The following CAMK2D variants were observed in gnomAD, a reference collection of about 807,000 sequenced individuals.
The protein encoded by CAMK2D is calcium/calmodulin-dependent protein kinase type II subunit delta.
Under a neutral mutation model 84.0 loss-of-function variants are expected in CAMK2D, and 37 were observed. The ratio of observed to expected loss-of-function variants is 0.44; its 90% CI spans 0.34 to 0.58. CAMK2D has a LOEUF of 0.58. Among genes scored for constraint, CAMK2D ranks in the 20% least tolerant of loss-of-function variants. The probability of loss-of-function intolerance (pLI) is 0.02; values close to 1 mark genes in which losing one functional copy is unlikely to be tolerated. For missense variants in CAMK2D, 448 were observed against 652.5 expected (o/e 0.69, Z 3.41); for synonymous variants, 202 against 212.5 (o/e 0.95, Z 0.43).
chr4:113,663,502 T>C (rs1219137992), intron 2 of CAMK2D, among the ~76,000 whole-genome samples: 1 of 151,832 alleles, frequency 6.6e-6, no homozygotes, highest in Non-Finnish European at 1.5e-5. Flanking sequence ...GGCAGAAGAA[T>C]CACTTGAACC....
chr4:113,476,667 C>G (rs1276770603), intron 16 of CAMK2D, among the ~76,000 whole-genome samples: 9 of 152,120 alleles, frequency 5.9e-5, no homozygotes, highest in Non-Finnish European at 8.8e-5. Flanking sequence ...TAAGCAATAA[C>G]CAGCTATTGT....
At chr4:113,690,990 T>G (rs745529587) in intron 2 of CAMK2D, among the ~76,000 whole-genome samples, 1 of 152,170 alleles carries the variant, frequency 6.6e-6, no homozygotes, top group African/African-American at 2.4e-5. Flanking sequence ...TAAGATTAAT[T>G]TATTGCACTA....
chr4:113,495,833 T>A (rs776334684), intron 16 of CAMK2D, among the ~76,000 whole-genome samples: 1 of 152,030 alleles, frequency 6.6e-6, no homozygotes, highest in Non-Finnish European at 1.5e-5. Context: ...CAGCAAGAGA[T>A]CCAAGCTCGT....
intron 4 of CAMK2D, among the ~76,000 whole-genome samples, chr4:113,563,150 A>T (rs1170860953): frequency 6.6e-6 from 1 of 152,110 alleles, no homozygotes; most frequent in African/African-American, 2.4e-5. Flanking sequence ...GCTGCTCAGG[A>T]GGCTGAGGCA....
At chr4:113,749,836 T>C (rs1472033065) in intron 2 of CAMK2D, among the ~76,000 whole-genome samples, 5 of 152,374 alleles carry the variant, frequency 3.3e-5, no homozygotes, top group Non-Finnish European at 5.9e-5. Flanking sequence ...ACAAAACTTA[T>C]GAAATAATTT....
intron 4 of CAMK2D, among the ~76,000 whole-genome samples, chr4:113,558,297 G>C (rs970045631): frequency 6.6e-6 from 1 of 152,182 alleles, no homozygotes; most frequent in Admixed American, 6.5e-5. Flanking sequence ...TATATGTATA[G>C]TAACTGTTTT....
intron 3 of CAMK2D, among the ~76,000 whole-genome samples, chr4:113,632,706 A>G (rs1008748348): frequency 1.3e-5 from 2 of 152,190 alleles, no homozygotes; most frequent in Admixed American, 1.3e-4. Context: ...TCATACTATT[A>G]TACATAATGT....
At chr4:113,748,061 T>A (rs1562206321) in intron 2 of CAMK2D, among the ~76,000 whole-genome samples, 1 of 152,142 alleles carries the variant, frequency 6.6e-6, no homozygotes, top group Non-Finnish European at 1.5e-5. Flanking sequence ...CTGATTCTTT[T>A]GGAAATCCAG....
chr4:113,746,406 G>A (rs1195655426), intron 2 of CAMK2D, among the ~76,000 whole-genome samples: 4 of 132,870 alleles, frequency 3.0e-5, no homozygotes, highest in African/African-American at 1.6e-4. Context: ...AGCCACCCCT[G>A]TTCATGCCTC....
chr4:113,475,821 G>C (rs1214353614), intron 16 of CAMK2D, among the ~76,000 whole-genome samples: 1 of 152,132 alleles, frequency 6.6e-6, no homozygotes, highest in African/African-American at 2.4e-5. Flanking sequence ...ATAGTAGCTT[G>C]TGCTTTCATT....
chr4:113,737,474 G>A (rs1305985733), intron 2 of CAMK2D, among the ~76,000 whole-genome samples: 3 of 152,114 alleles, frequency 2.0e-5, no homozygotes, highest in East Asian at 1.9e-4. Flanking sequence ...GTAGTTGCCA[G>A]GGACTCGGGG....
chr4:113,597,224 T>C (rs1402708682), intron 4 of CAMK2D, among the ~76,000 whole-genome samples: 1 of 152,238 alleles, frequency 6.6e-6, no homozygotes, highest in Non-Finnish European at 1.5e-5. Context: ...AAGCTGTCCT[T>C]TAAAACTTCT....
chr4:113,544,957 G>C (rs956700693), intron 6 of CAMK2D, among the ~76,000 whole-genome samples: 1 of 152,154 alleles, frequency 6.6e-6, no homozygotes, highest in Non-Finnish European at 1.5e-5. Context: ...CCTCAGTCTT[G>C]ATTATAGGTC....
intron 15 of CAMK2D, among the ~76,000 whole-genome samples, chr4:113,502,339 T>C (rs2098059509): frequency 6.6e-6 from 1 of 151,540 alleles, no homozygotes; most frequent in East Asian, 1.9e-4. Flanking sequence ...ACAACAAACA[T>C]ATTTCACAAA....
intron 3 of CAMK2D, among the ~76,000 whole-genome samples, chr4:113,622,365 G>A (rs2099049725): frequency 6.6e-6 from 1 of 152,160 alleles, no homozygotes; most frequent in Admixed American, 6.5e-5. Context: ...CTAGAAAAGA[G>A]GTTAGTGTGG....
intron 18 of CAMK2D, among the ~76,000 whole-genome samples, chr4:113,458,219 C>T (rs766139364): frequency 1.3e-4 from 20 of 152,128 alleles, no homozygotes; most frequent in Admixed American, 3.3e-4. Flanking sequence ...TGATTCTGGT[C>T]TTCCAGCTCT....
At chr4:113,706,828 A>G (rs574329077) in intron 2 of CAMK2D, among the ~76,000 whole-genome samples, 6 of 152,358 alleles carry the variant, frequency 3.9e-5, no homozygotes, top group African/African-American at 1.4e-4. Context: ...CAGTTGCATT[A>G]TCAACCATTC....
In CAMK2D at chr4:113,699,044, AG is replaced by A. The variant is rs371698604; in HGVS notation, c.161-37273del. Among the ~76,000 whole-genome samples, 36 of 152,256 alleles carry A rather than the reference AG, an allele frequency of 2.4e-4. No individual in the cohort carries two copies. In the East Asian group the frequency reaches 6.4e-3, roughly 27 times the overall value. ...GATAGATATTGCCAAATTGCCTAGA[AG>A]AAATGATGTTTCTCAGTGGTATTCC... On this transcript the variant is annotated intron_variant, in intron 2 of 20. Coordinates refer to ENST00000511664, the MANE Select transcript of CAMK2D (RefSeq NM_001321571.2).
chr4:113,583,101 T>G (rs1212947292), intron 4 of CAMK2D, among the ~76,000 whole-genome samples: 2 of 152,226 alleles, frequency 1.3e-5, no homozygotes, highest in African/African-American at 2.4e-5. Flanking sequence ...AATTTTAAAT[T>G]GCTGCCATGC....
Sources: gnomAD v4.1 joint callset for allele counts (sites outside exome capture counted in the v4.1 genomes callset) on GRCh38, gnomAD v4.1.1 for gene constraint, MANE v1.5 for transcripts, NCBI Gene and HGNC (gene_info 2026-07-23, HGNC 2026-07-21) for gene names.